KSR2: variants seen among roughly 807,000 people sequenced by gnomAD.
The protein encoded by KSR2 is kinase suppressor of ras 2.
Under a neutral mutation model 107.8 loss-of-function variants are expected in KSR2, and 25 were observed. The ratio of observed to expected loss-of-function variants is 0.23; its 90% CI spans 0.17 to 0.32. The LOEUF is 0.32. Ranked by LOEUF, KSR2 falls within the 10% of genes least tolerant of loss-of-function variation. KSR2 has a pLI of 1.00. For missense variants in KSR2, 887 were observed against 1,268.9 expected (o/e 0.70, Z 4.57); for synonymous variants, 480 against 507.0 (o/e 0.95, Z 0.71).
At chr12:117,865,491 AAAT>A (rs1893438980) in intron 1 of KSR2, among the ~76,000 whole-genome samples, 1 of 152,190 alleles carries the variant, frequency 6.6e-6, no homozygotes, top group Non-Finnish European at 1.5e-5. Flanking sequence ...TCCCTTTAAA[AAAT>A]AATAATAAAT....
At chr12:117,561,732 A>C (rs1241187495) in intron 7 of KSR2, among the ~76,000 whole-genome samples, 1 of 152,196 alleles carries the variant, frequency 6.6e-6, no homozygotes, top group Admixed American at 6.5e-5. Context: ...CTTCACAAGG[A>C]TAATCAAAAT....
chr12:117,662,865 A>G, intron 5 of KSR2, among the ~76,000 whole-genome samples: 1 of 152,222 alleles, frequency 6.6e-6, no homozygotes. Context: ...TTACTATGTC[A>G]TTCCTCATCT....
intron 1 of KSR2, among the ~76,000 whole-genome samples, chr12:117,944,924 T>C (rs1026366239): frequency 6.6e-6 from 1 of 152,018 alleles, no homozygotes; most frequent in Non-Finnish European, 1.5e-5. Flanking sequence ...AGTGACCATA[T>C]TATATCAGAG....
intron 5 of KSR2, among the ~76,000 whole-genome samples, chr12:117,599,268 A>C (rs538827576): frequency 3.0e-4 from 45 of 152,260 alleles, no homozygotes; most frequent in African/African-American, 1.0e-3. Flanking sequence ...TGAGACCCCC[A>C]CCTGCAACTG....
At chr12:117,596,015 C>T (rs1026016403) in intron 5 of KSR2, among the ~76,000 whole-genome samples, 1 of 151,978 alleles carries the variant, frequency 6.6e-6, no homozygotes, top group Admixed American at 6.6e-5. Flanking sequence ...CTCCAGTTAC[C>T]CTTCCTTTCC....
chr12:117,736,918 CT>C (rs1887970499), intron 4 of KSR2, among the ~76,000 whole-genome samples: 1 of 152,126 alleles, frequency 6.6e-6, no homozygotes, highest in African/African-American at 2.4e-5. Context: ...GGAGAGTTTT[CT>C]TCTCCCTACC....
intron 4 of KSR2, among the ~76,000 whole-genome samples, chr12:117,737,782 CAAAAAA>C (rs10587288): frequency 1.4e-4 from 12 of 84,040 alleles, no homozygotes; most frequent in South Asian, 4.2e-4. Flanking sequence ...AATCCTGTCT[CAAAAAA>C]AAAAAAAAAA....
At position 117,855,263 on chromosome 12, in the gene KSR2, C is replaced by T. The variant is rs149891294; in HGVS notation, c.472+165G>A. ...AGCTGCCCTTGCTGGTGTCTTCCGGCCTCCAAATCCCAGGTCCACGCTGCC... is the reference window on the plus strand; with the variant it reads ...AGCTGCCCTTGCTGGTGTCTTCCGGTCTCCAAATCCCAGGTCCACGCTGCC... On this transcript the variant is annotated intron_variant, in intron 3 of 19. Coordinates refer to ENST00000339824, the MANE Select transcript of KSR2 (RefSeq NM_173598.6). Among the ~76,000 whole-genome samples, 267 of 152,336 alleles carry T rather than the reference C, an allele frequency of 1.8e-3. 1 individual carries two copies. Among genetic ancestry groups the T allele is most frequent in the African/African-American group, 6.2e-3 (256 of 41,582 alleles).
chr12:117,645,263 C>T (rs1024740801), intron 5 of KSR2, among the ~76,000 whole-genome samples: 1 of 152,174 alleles, frequency 6.6e-6, no homozygotes, highest in South Asian at 2.1e-4. Context: ...GCTCCTGGAT[C>T]CAGCCATTCC....
chr12:117,586,260 G>A (rs1041207979), intron 5 of KSR2, among the ~76,000 whole-genome samples: 8 of 151,146 alleles, frequency 5.3e-5, no homozygotes, highest in Admixed American at 1.3e-4. Flanking sequence ...TAAAGGAAAG[G>A]AAGAGGAGGA....
At chr12:117,538,220 C>T (rs903413660) in intron 10 of KSR2, among the ~76,000 whole-genome samples, 31 of 152,210 alleles carry the variant, frequency 2.0e-4, no homozygotes, top group Admixed American at 6.5e-5. Flanking sequence ...TTTACTAAGA[C>T]GATTCAGCTG....
At chr12:117,828,713 C>T (rs2592284) in intron 3 of KSR2, among the ~76,000 whole-genome samples, 69,559 of 152,026 alleles carry the variant, frequency 0.46, 16,145 homozygotes, top group South Asian at 0.55. Context: ...AGCCCTGGCC[C>T]TAGGCTTCCA....
intron 3 of KSR2, among the ~76,000 whole-genome samples, chr12:117,800,717 A>G (rs1421293458): frequency 6.6e-6 from 1 of 152,116 alleles, no homozygotes; most frequent in Non-Finnish European, 1.5e-5. Flanking sequence ...CCCCACGTGC[A>G]TTAGGTATTT....
intron 3 of KSR2, among the ~76,000 whole-genome samples, chr12:117,810,154 C>CTTTTG (rs916522689): frequency 2.0e-5 from 3 of 151,970 alleles, no homozygotes; most frequent in African/African-American, 7.2e-5. Context: ...TTTTTTTTGT[C>CTTTTG]TTTTGTTTTG....
chr12:117,524,902 C>T lies in KSR2; in HGVS notation c.2169G>A (p.Val723=). 6.2e-7 allele frequency: 1 copy of T among 1,613,692 alleles called. No individual in the cohort carries two copies. Among genetic ancestry groups the T allele is most frequent in the Non-Finnish European group, 8.5e-7 (1 of 1,179,728 alleles). Residue 723 remains valine (V), a synonymous_variant, in exon 14 of 20, where the codon GTG becomes GTA. Coordinates refer to ENST00000339824, the MANE Select transcript of KSR2 (RefSeq NM_173598.6). ...AYRQTRHENV[V]LFMGACMSPP... is the part of the protein sequence containing the mutation. ...GGCTCATGCAGGCACCCATGAAAAG[C>T]ACCACGTTCTCATGCCGTGTCTGCC...
At chr12:117,839,588 T>C (rs1892379124) in intron 3 of KSR2, among the ~76,000 whole-genome samples, 1 of 152,218 alleles carries the variant, frequency 6.6e-6, no homozygotes, top group East Asian at 1.9e-4. Flanking sequence ...TCTTGCTATC[T>C]AGGAATTTCC....
intron 3 of KSR2, among the ~76,000 whole-genome samples, chr12:117,823,585 T>C (rs1891639368): frequency 6.6e-6 from 1 of 152,168 alleles, no homozygotes; most frequent in African/African-American, 2.4e-5. Context: ...CAGTTCAGTT[T>C]TAGGCATGAT....
chr12:117,527,950 A>AGTGTGT (rs10664320), intron 12 of KSR2, among the ~76,000 whole-genome samples: 1,942 of 142,666 alleles, frequency 0.014, 26 homozygotes, highest in East Asian at 0.082. Context: ...GGAAGACACA[A>AGTGTGT]GTGTGTGTGT....
intron 1 of KSR2, among the ~76,000 whole-genome samples, chr12:117,929,493 C>T (rs1895637641): frequency 6.6e-6 from 1 of 152,190 alleles, no homozygotes; most frequent in South Asian, 2.1e-4. Flanking sequence ...AACTGTGAGT[C>T]CATTAAACCT....
Sources: gnomAD v4.1 joint callset for allele counts (sites outside exome capture counted in the v4.1 genomes callset) on GRCh38, gnomAD v4.1.1 for gene constraint, MANE v1.5 for transcripts, NCBI Gene and HGNC (gene_info 2026-07-23, HGNC 2026-07-21) for gene names.